The following ACACB variants were observed in gnomAD, a reference collection of about 807,000 sequenced individuals.
The protein encoded by ACACB is acetyl-CoA carboxylase beta.
Under a neutral mutation model 278.8 loss-of-function variants are expected in ACACB, and 209 were observed. That is an observed-to-expected ratio of 0.75 (90% CI 0.67 to 0.84). ACACB has a LOEUF of 0.84. ACACB is among the 40% of genes least tolerant of loss of function. The pLI is 0.00. For synonymous variants in ACACB, 1,174 were observed against 1,285.6 expected (o/e 0.91, Z 1.86); for missense variants, 2,850 against 3,269.0 (o/e 0.87, Z 3.13).
chr12:109,150,817 G>A (rs1376233760), intron 2 of ACACB, among the ~76,000 whole-genome samples: 1 of 152,168 alleles, frequency 6.6e-6, no homozygotes, highest in Admixed American at 6.5e-5. Context: ...ATATTTTTAT[G>A]CGCCCCTGAG....
chr12:109,140,276 TTCCTTCCTTCC>T (rs2043082028), intron 2 of ACACB, among the ~76,000 whole-genome samples: 1 of 21,042 alleles, frequency 4.8e-5, no homozygotes, highest in Admixed American at 5.2e-4. Flanking sequence ...CCTTCTTTCC[TTCCTTCCTTCC>T]TTCCTTCCTT....
At chr12:109,205,538 C>G (rs556561303) in intron 19 of ACACB, among the ~76,000 whole-genome samples, 1 of 152,210 alleles carries the variant, frequency 6.6e-6, no homozygotes, top group African/African-American at 2.4e-5. Context: ...CAACCTCTGC[C>G]TCCCAGGTTC....
At chr12:109,240,934 A>G in intron 35 of ACACB, 144 bp from the exon 36 acceptor site, 1 of 725,164 alleles carries the variant, frequency 1.4e-6, no homozygotes. Context: ...GCTTGTTATT[A>G]GTTAATACTT....
chr12:109,167,617 ATGTG>A (rs1167763726), intron 3 of ACACB, among the ~76,000 whole-genome samples: 1 of 103,908 alleles, frequency 9.6e-6, no homozygotes, highest in Non-Finnish European at 1.8e-5. Flanking sequence ...AAATATATGT[ATGTG>A]TATATATATA....
chr12:109,257,319 T>TAA (rs537031911), intron 45 of ACACB, among the ~76,000 whole-genome samples: 1 of 138,602 alleles, frequency 7.2e-6, no homozygotes, highest in Non-Finnish European at 1.6e-5. Context: ...AAGCAAAAAA[T>TAA]AAAAAAAAAA....
chr12:109,174,071 CA>C (rs2044203936), intron 6 of ACACB, 60 bp from the exon 7 acceptor site: 15 of 1,467,054 alleles, frequency 1.0e-5, no homozygotes, highest in African/African-American at 1.4e-5. Flanking sequence ...GGTCGGCCTT[CA>C]GCCTCGAGGG....
At chr12:109,227,690 C>T (rs1187451291) in intron 28 of ACACB, among the ~76,000 whole-genome samples, 3 of 152,242 alleles carry the variant, frequency 2.0e-5, no homozygotes, top group Non-Finnish European at 2.9e-5. Flanking sequence ...CCACCTCCTA[C>T]ACCTGCACTG....
chr12:109,166,665 AAAAAAAAAAAAAC>A (rs1349054148), intron 2 of ACACB, among the ~76,000 whole-genome samples, 183 bp from the exon 3 acceptor site: 4 of 144,010 alleles, frequency 2.8e-5, no homozygotes, highest in Admixed American at 7.0e-5. Context: ...AAAAAAAAAA[AAAAAAAAAAAAAC>A]CGAAGGTGCT....
At position 109,264,189 on chromosome 12, in the gene ACACB, G is replaced by T. The variant is rs536917338; in HGVS notation, c.6788-43G>T. On this transcript the variant is annotated intron_variant, in intron 49 of 52. Transcript: ENST00000338432. ...AAAAAATCTCCACCCCATCACATAT[G>T]ACCAGCTTCCATGGCTTGACTGGCC... is the stretch of plus-strand genomic sequence containing the variant. The T allele has an allele frequency of 1.6e-3, 2,552 of 1,602,626 alleles. 56 individuals carry two copies. In the South Asian group the frequency reaches 0.027, roughly 17 times the overall value.
chr12:109,223,748 A>T, intron 26 of ACACB, 67 bp from the exon 27 acceptor site: 1 of 1,479,604 alleles, frequency 6.8e-7, no homozygotes, highest in Non-Finnish European at 9.4e-7. Flanking sequence ...TCTCAAATAA[A>T]AACAAAGAAA....
At chr12:109,137,471 CCAA>C (rs368664104) in intron 1 of ACACB, among the ~76,000 whole-genome samples, 20 of 152,014 alleles carry the variant, frequency 1.3e-4, no homozygotes, top group African/African-American at 4.8e-4. Flanking sequence ...ACCAGCCTAG[CCAA>C]CATGGTGAAA....
intron 2 of ACACB, among the ~76,000 whole-genome samples, chr12:109,153,312 A>G (rs1303472249): frequency 6.6e-6 from 1 of 152,176 alleles, no homozygotes; most frequent in Non-Finnish European, 1.5e-5. Context: ...CTGATACATT[A>G]TATTTTTACA....
chr12:109,123,657 C>T (rs2042606499), intron 1 of ACACB, among the ~76,000 whole-genome samples: 1 of 150,260 alleles, frequency 6.7e-6, no homozygotes, highest in African/African-American at 2.4e-5. Flanking sequence ...TGTGCCACTA[C>T]ACTCCAGCCT....
At chr12:109,239,332 T>G (rs2046727546) in intron 34 of ACACB, among the ~76,000 whole-genome samples, 1 of 152,152 alleles carries the variant, frequency 6.6e-6, no homozygotes, top group Admixed American at 6.5e-5. Flanking sequence ...GGGTTTTCCC[T>G]GCCATGGGGC....
intron 1 of ACACB, among the ~76,000 whole-genome samples, chr12:109,122,785 C>T (rs2042581625): frequency 1.3e-5 from 2 of 151,880 alleles, no homozygotes; most frequent in South Asian, 4.1e-4. Context: ...CAGTGGTCCC[C>T]CAATGCATTC....
chr12:109,153,789 A>AGTAGC (rs888175379), intron 2 of ACACB, among the ~76,000 whole-genome samples: 16 of 152,078 alleles, frequency 1.1e-4, no homozygotes, highest in African/African-American at 3.4e-4. Context: ...CAGTCTCTCG[A>AGTAGC]GTAGCTGGGA....
chr12:109,216,120 G>A (rs1444628470), intron 22 of ACACB, among the ~76,000 whole-genome samples: 3 of 150,096 alleles, frequency 2.0e-5, no homozygotes, highest in Non-Finnish European at 4.4e-5. Flanking sequence ...GTTTTGTTTT[G>A]TAGATATGGG....
At chr12:109,208,320 A>G (rs76644734) in intron 20 of ACACB, among the ~76,000 whole-genome samples, 24 of 151,706 alleles carry the variant, frequency 1.6e-4, no homozygotes, top group African/African-American at 5.6e-4. Context: ...GGTTCAAGCA[A>G]TCATCCCACT....
At chr12:109,144,754 C>CTTTCTTT (rs1479594669) in intron 2 of ACACB, among the ~76,000 whole-genome samples, 14 of 102,802 alleles carry the variant, frequency 1.4e-4, no homozygotes, top group African/African-American at 5.5e-4. Context: ...TTCTTTCTTT[C>CTTTCTTT]TTTTTTTTTT....
Sources: allele counts gnomAD v4.1 joint callset (sites outside exome capture counted in the v4.1 genomes callset), GRCh38; gene constraint gnomAD v4.1.1; transcripts MANE v1.5; gene names NCBI Gene and HGNC (gene_info 2026-07-23, HGNC 2026-07-21).